The following DSCAM variants were observed in gnomAD, a reference collection of about 807,000 sequenced individuals.
DSCAM encodes cell adhesion molecule DSCAM.
Under a neutral mutation model 217.7 loss-of-function variants are expected in DSCAM, and 47 were observed. The observed-to-expected ratio is 0.22, with a 90% CI of 0.17 to 0.28. The LOEUF (loss-of-function observed/expected upper bound fraction) is 0.28, where lower values mean the gene tolerates loss of function less well. DSCAM is among the 10% of genes least tolerant of loss of function. DSCAM has a pLI of 1.00. For synonymous variants in DSCAM, 1,056 were observed against 1,015.3 expected (o/e 1.04, Z -0.76); for missense variants, 2,080 against 2,618.3 (o/e 0.79, Z 4.49).
intron 3 of DSCAM, among the ~76,000 whole-genome samples, chr21:40,466,766 T>C (rs2075848795): frequency 1.3e-5 from 2 of 152,160 alleles, no homozygotes; most frequent in Non-Finnish European, 2.9e-5. Context: ...TAAATTTCTA[T>C]GGGACCACCT....
At chr21:40,502,739 G>A (rs1276099520) in intron 3 of DSCAM, among the ~76,000 whole-genome samples, 1 of 152,132 alleles carries the variant, frequency 6.6e-6, no homozygotes, top group Non-Finnish European at 1.5e-5. Context: ...GTCAAGGACA[G>A]CTGAGTAGCA....
At chr21:40,808,178 G>A (rs1208647899) in intron 1 of DSCAM, among the ~76,000 whole-genome samples, 2 of 150,874 alleles carry the variant, frequency 1.3e-5, no homozygotes, top group Non-Finnish European at 2.9e-5. Flanking sequence ...TTCCTCAAAG[G>A]GTCAGCTATT....
At chr21:40,158,432 AAAAG>A (rs2090503665) in intron 16 of DSCAM, among the ~76,000 whole-genome samples, 1 of 152,164 alleles carries the variant, frequency 6.6e-6, no homozygotes, top group East Asian at 1.9e-4. Flanking sequence ...AGAAAAGAAA[AAAAG>A]AAAAGAAACA....
At chr21:40,052,278 C>T (rs1349019148) in intron 29 of DSCAM, among the ~76,000 whole-genome samples, 171 bp from the exon 30 acceptor site, 1 of 152,156 alleles carries the variant, frequency 6.6e-6, no homozygotes, top group Admixed American at 6.5e-5. Context: ...TAGCATTACT[C>T]TAGAGTGCTA....
intron 8 of DSCAM, among the ~76,000 whole-genome samples, chr21:40,317,699 T>A (rs1334339460): frequency 6.6e-6 from 1 of 152,034 alleles, no homozygotes; most frequent in East Asian, 1.9e-4. Flanking sequence ...TTGGCTAATT[T>A]TTTTTGTATT....
In DSCAM at chr21:40,188,826, G is replaced by A. The variant is rs115029646; in HGVS notation, c.2553+216C>T. ...TTACTACATTTGGGTTCCCTGCTGC[G>A]TTCATAATAACCCTATTCTTAATAA... On this transcript the variant is annotated intron_variant, in intron 12 of 32. Transcript: ENST00000400454. 5.5e-3 allele frequency among the ~76,000 whole-genome samples: 784 copies of A among 143,114 alleles called. 11 individuals are homozygous for A. The highest frequency in any genetic ancestry group is 0.02 in the African/African-American group (736 of 37,546). The allele number at this position is 143,114 out of a possible 152,430, so 93.9% of individuals were successfully genotyped here.
chr21:40,619,333 TGG>T (rs2089448482), intron 3 of DSCAM, among the ~76,000 whole-genome samples: 1 of 152,186 alleles, frequency 6.6e-6, no homozygotes, highest in Non-Finnish European at 1.5e-5. Context: ...TTGACTTAAT[TGG>T]AATATTTTTG....
At chr21:40,496,318 G>C (rs1042369346) in intron 3 of DSCAM, among the ~76,000 whole-genome samples, 1 of 152,036 alleles carries the variant, frequency 6.6e-6, no homozygotes, top group Non-Finnish European at 1.5e-5. Flanking sequence ...CATAGAAACA[G>C]ACACACAGAC....
chr21:40,669,000 A>T (rs2090237105), intron 3 of DSCAM, among the ~76,000 whole-genome samples: 1 of 152,166 alleles, frequency 6.6e-6, no homozygotes, highest in Non-Finnish European at 1.5e-5. Context: ...CACACACACC[A>T]GATAATAAAT....
chr21:40,279,856 A>G (rs1436080408), intron 10 of DSCAM, among the ~76,000 whole-genome samples: 1 of 152,108 alleles, frequency 6.6e-6, no homozygotes. Flanking sequence ...GCAAACTAAC[A>G]CAGGAACAGA....
At chr21:40,307,251 C>A (rs187887575) in intron 9 of DSCAM, among the ~76,000 whole-genome samples, 1 of 150,652 alleles carries the variant, frequency 6.6e-6, no homozygotes, top group Non-Finnish European at 1.5e-5. Context: ...AAAAAAACAA[C>A]CCCATCAAAA....
At chr21:40,237,529 G>C (rs1020722543) in intron 11 of DSCAM, among the ~76,000 whole-genome samples, 1 of 152,148 alleles carries the variant, frequency 6.6e-6, no homozygotes, top group African/African-American at 2.4e-5. Context: ...CCATGTCCCT[G>C]CAAAGGATAT....
intron 9 of DSCAM, among the ~76,000 whole-genome samples, chr21:40,307,180 C>T (rs1168141344): frequency 6.6e-6 from 1 of 151,750 alleles, no homozygotes; most frequent in African/African-American, 2.4e-5. Flanking sequence ...TCGCAACCTA[C>T]TCATCTGACA....
chr21:40,820,745 T>C (rs913891883), intron 1 of DSCAM, among the ~76,000 whole-genome samples: 1 of 152,120 alleles, frequency 6.6e-6, no homozygotes, highest in Non-Finnish European at 1.5e-5. Flanking sequence ...GTGAGTGAAT[T>C]TGGATAAATC....
intron 20 of DSCAM, among the ~76,000 whole-genome samples, chr21:40,100,066 A>G (rs1323391125): frequency 6.6e-6 from 1 of 152,200 alleles, no homozygotes; most frequent in Non-Finnish European, 1.5e-5. Flanking sequence ...ACCCTAGAGG[A>G]CAGAGCAAGC....
At chr21:40,302,575 C>T (rs1243021974) in intron 9 of DSCAM, among the ~76,000 whole-genome samples, 2 of 152,154 alleles carry the variant, frequency 1.3e-5, no homozygotes, top group Non-Finnish European at 2.9e-5. Flanking sequence ...ATAGGTTCAA[C>T]TACATAATTA....
At chr21:40,733,950 TTC>T (rs1375440472) in intron 1 of DSCAM, among the ~76,000 whole-genome samples, 2 of 152,188 alleles carry the variant, frequency 1.3e-5, no homozygotes, top group African/African-American at 2.4e-5. Context: ...CTCTATATCT[TTC>T]TGTTAATTGA....
chr21:40,576,620 A>G (rs8127599), intron 3 of DSCAM, among the ~76,000 whole-genome samples: 5,762 of 152,248 alleles, frequency 0.038, 312 homozygotes, highest in African/African-American at 0.12. Flanking sequence ...GAGAACAGAG[A>G]CAAGTTAAGA....
intron 29 of DSCAM, among the ~76,000 whole-genome samples, chr21:40,054,118 G>T (rs2088976518): frequency 6.6e-6 from 1 of 152,110 alleles, no homozygotes; most frequent in Non-Finnish European, 1.5e-5. Flanking sequence ...CAGTTTTAAT[G>T]CCCAATCTAC....
Sources: gnomAD v4.1 joint callset for allele counts (sites outside exome capture counted in the v4.1 genomes callset) on GRCh38, gnomAD v4.1.1 for gene constraint, MANE v1.5 for transcripts, NCBI Gene and HGNC (gene_info 2026-07-23, HGNC 2026-07-21) for gene names.